PPHLN1: variants seen among roughly 807,000 people sequenced by gnomAD.
PPHLN1 encodes periphilin 1.
PPHLN1 carries 29 observed loss-of-function variants against 51.3 expected under a neutral mutation model. That is an observed-to-expected ratio of 0.57 (90% CI 0.42 to 0.77). The LOEUF is 0.77. Among genes scored for constraint, PPHLN1 ranks in the 30% least tolerant of loss-of-function variants. PPHLN1 has a pLI of 0.00. For synonymous variants in PPHLN1, 147 were observed against 147.8 expected (o/e 0.99, Z 0.04); for missense variants, 436 against 438.4 (o/e 0.99, Z 0.05).
chr12:42,426,210 ACACACACACACACACACACC>A (rs1444159571), intron 9 of PPHLN1, among the ~76,000 whole-genome samples: 1 of 143,338 alleles, frequency 7.0e-6, no homozygotes, highest in African/African-American at 2.9e-5. Context: ...ACACACACAC[ACACACACACACACACACACC>A]CTCATGCATT....
intron 2 of PPHLN1, among the ~76,000 whole-genome samples, chr12:42,346,838 T>G (rs192432254): frequency 6.6e-6 from 1 of 152,322 alleles, no homozygotes; most frequent in Non-Finnish European, 1.5e-5. Context: ...ATTTTCCCTG[T>G]GGTTAGTGAT....
At chr12:42,354,136 A>G (rs1177281680) in intron 3 of PPHLN1, among the ~76,000 whole-genome samples, 1 of 152,206 alleles carries the variant, frequency 6.6e-6, no homozygotes. Context: ...GTGTGATGCT[A>G]AAGAGGAAGA....
At chr12:42,378,630 A>G (rs909785606) in intron 5 of PPHLN1, among the ~76,000 whole-genome samples, 6 of 152,128 alleles carry the variant, frequency 3.9e-5, no homozygotes, top group Admixed American at 1.3e-4. Context: ...TCATACTTTT[A>G]GATTAATTTT....
At chr12:42,394,388 G>A (rs193266185) in intron 8 of PPHLN1, among the ~76,000 whole-genome samples, 49 of 152,188 alleles carry the variant, frequency 3.2e-4, no homozygotes, top group Admixed American at 1.7e-3. Context: ...TCCGTCCCGT[G>A]ACAAATTATT....
intron 9 of PPHLN1, among the ~76,000 whole-genome samples, chr12:42,414,692 G>A (rs1382179828): frequency 6.6e-6 from 1 of 151,922 alleles, no homozygotes; most frequent in Non-Finnish European, 1.5e-5. Context: ...AGTCTTCAAC[G>A]TTTTCTAGGT....
intron 9 of PPHLN1, among the ~76,000 whole-genome samples, chr12:42,425,512 G>C (rs2081379143): frequency 6.6e-6 from 1 of 151,754 alleles, no homozygotes; most frequent in Non-Finnish European, 1.5e-5. Context: ...TCAGCCTCCT[G>C]AGTAGCTGGG....
intron 7 of PPHLN1, among the ~76,000 whole-genome samples, chr12:42,389,115 G>A (rs1269933204): frequency 1.3e-5 from 2 of 152,242 alleles, no homozygotes; most frequent in East Asian, 1.9e-4. Context: ...GCTCATGTCC[G>A]TAATCCTAGC....
chr12:42,355,291 A>G (rs1366550157), intron 4 of PPHLN1, 69 bp downstream of exon 4: 8 of 1,327,544 alleles, frequency 6.0e-6, no homozygotes, highest in Admixed American at 1.7e-5. Context: ...CTTTGGAAAT[A>G]TAGACTCAAG....
At chr12:42,349,747 C>A (rs1300356137) in intron 2 of PPHLN1, among the ~76,000 whole-genome samples, 3 of 152,034 alleles carry the variant, frequency 2.0e-5, no homozygotes, top group Non-Finnish European at 4.4e-5. Context: ...TTAACAGCAT[C>A]CCAAGGCAGA....
At chr12:42,416,558 G>A in intron 9 of PPHLN1, among the ~76,000 whole-genome samples, 1 of 152,174 alleles carries the variant, frequency 6.6e-6, no homozygotes, top group Non-Finnish European at 1.5e-5. Flanking sequence ...GACCCTGTAA[G>A]ATTCAAGAAT....
At chr12:42,396,968 A>G (rs1432719182) in intron 8 of PPHLN1, among the ~76,000 whole-genome samples, 1 of 147,648 alleles carries the variant, frequency 6.8e-6, no homozygotes, top group Non-Finnish European at 1.5e-5. Flanking sequence ...CTTCTGGATG[A>G]TTGAGGCTGC....
chr12:42,378,088 TTCTC>T lies in PPHLN1; in HGVS notation c.511+3016_511+3019del, dbSNP rs1324284778. Among the ~76,000 whole-genome samples the T allele has an allele frequency of 5.8e-5, 7 of 121,598 alleles. No homozygotes were observed. The South Asian group carries it at 1.5e-3, about 26-fold the overall frequency. The allele number at this position is 121,598 out of a possible 152,430, so 79.8% of individuals were successfully genotyped here. On this transcript the variant is annotated intron_variant, in intron 5 of 9. Transcript: ENST00000358314. ...CCTGCATCTAGCTATCTATCTATCTTTCTCTTTCTTTCTTTCTTTCTTTCTTTCT... is the reference window on the plus strand; with the variant it reads ...CCTGCATCTAGCTATCTATCTATCTTTTTCTTTCTTTCTTTCTTTCTTTCT...
intron 2 of PPHLN1, among the ~76,000 whole-genome samples, chr12:42,348,312 G>T (rs2072688993): frequency 8.0e-6 from 1 of 125,510 alleles, no homozygotes; most frequent in Non-Finnish European, 1.7e-5. Context: ...AGTAGAAACG[G>T]GGTTTCACCG....
intron 9 of PPHLN1, among the ~76,000 whole-genome samples, chr12:42,419,434 A>G (rs935520997): frequency 2.0e-5 from 3 of 152,072 alleles, no homozygotes; most frequent in East Asian, 3.9e-4. Context: ...GGGTTTCACC[A>G]TGTTGGCTAA....
intron 9 of PPHLN1, among the ~76,000 whole-genome samples, chr12:42,423,000 A>C (rs1016844074): frequency 6.6e-6 from 1 of 152,224 alleles, no homozygotes; most frequent in Non-Finnish European, 1.5e-5. Context: ...TGGAAGTAGC[A>C]ATATGACTAG....
At chr12:42,415,914 C>T (rs942015785) in intron 9 of PPHLN1, among the ~76,000 whole-genome samples, 3 of 152,146 alleles carry the variant, frequency 2.0e-5, no homozygotes, top group African/African-American at 7.2e-5. Flanking sequence ...TTCTAATATG[C>T]TTATTTGCCT....
chr12:42,332,983 A>G (rs2070012153), intron 1 of PPHLN1, among the ~76,000 whole-genome samples: 1 of 152,198 alleles, frequency 6.6e-6, no homozygotes, highest in Non-Finnish European at 1.5e-5. Context: ...ATAATAGTAT[A>G]TATACATTAT....
At chr12:42,329,397 G>A (rs952927272) in intron 1 of PPHLN1, among the ~76,000 whole-genome samples, 4 of 152,052 alleles carry the variant, frequency 2.6e-5, no homozygotes, top group South Asian at 2.1e-4. Context: ...GAGCCACCGC[G>A]CCCGGCCTGG....
intron 9 of PPHLN1, among the ~76,000 whole-genome samples, chr12:42,412,396 A>G (rs750705508): frequency 2.6e-5 from 4 of 151,566 alleles, no homozygotes; most frequent in Admixed American, 2.6e-4. Flanking sequence ...TTCCAGCTCT[A>G]TCAGAATTGC....
Sources: gnomAD v4.1 joint callset for allele counts (sites outside exome capture counted in the v4.1 genomes callset) on GRCh38, gnomAD v4.1.1 for gene constraint, MANE v1.5 for transcripts, NCBI Gene and HGNC (gene_info 2026-07-23, HGNC 2026-07-21) for gene names.